Variants in ANXA8L1 observed in about 807,000 individuals in gnomAD.
ANXA8L1 encodes annexin A8-like protein 1.
A neutral mutation model predicts 22.5 loss-of-function variants in ANXA8L1; 10 were observed. That is an observed-to-expected ratio of 0.44 (90% CI 0.27 to 0.75). The LOEUF (loss-of-function observed/expected upper bound fraction) is 0.75, where lower values mean the gene tolerates loss of function less well. Among genes scored for constraint, ANXA8L1 ranks in the 30% least tolerant of loss-of-function variants. ANXA8L1 has a pLI of 0.15. For synonymous variants in ANXA8L1, 36 were observed against 86.0 expected (o/e 0.42, Z 3.22); for missense variants, 88 against 219.6 (o/e 0.40, Z 3.79).
Position 46,390,785 on chromosome 10 carries a change from A to G in ANXA8L1, c.925-86A>G. Reference sequence around the variant, plus strand: ...CGGGCCAGGTGCAGGCCAGGGGCACACCTCTTAGTCATAATAACACAGCCG... The same window carrying G: ...CGGGCCAGGTGCAGGCCAGGGGCACGCCTCTTAGTCATAATAACACAGCCG... On this transcript the variant is annotated intron_variant, in intron 11 of 11. Transcript: ENST00000619162. 1.1e-5 allele frequency: 11 copies of G among 1,014,626 alleles called. 1 individual carries two copies. Among genetic ancestry groups the G allele is most frequent in the Non-Finnish European group, 1.6e-5 (11 of 701,044 alleles). 62.9% of individuals were successfully genotyped at this position (1,014,626 alleles called of 1,614,324 possible). A position where few individuals can be genotyped will look rare whatever the true frequency, so the allele number is the denominator to read the frequency against.
intron 7 of ANXA8L1, 116 bp downstream of exon 7, chr10:46,384,949 TA>T: frequency 1.3e-6 from 2 of 1,502,900 alleles, no homozygotes; most frequent in Non-Finnish European, 1.8e-6. Context: ...CTCAGCTCCC[TA>T]TAGGCCTTTG....
Position 46,390,868 on chromosome 10 carries a change from C to T in ANXA8L1, c.925-3C>T. 1 of 1,268,358 alleles carries T rather than the reference C, an allele frequency of 7.9e-7. No individual in the cohort carries two copies. The highest frequency in any genetic ancestry group is 2.0e-5 in the African/African-American group (1 of 50,340). 78.6% of individuals were successfully genotyped at this position (1,268,358 alleles called of 1,614,324 possible). A position where few individuals can be genotyped will look rare whatever the true frequency, so the allele number is the denominator to read the frequency against. On this transcript the variant is annotated splice_region_variant and splice_polypyrimidine_tract_variant and intron_variant, in intron 11 of 11. Transcript: ENST00000619162. ...CTCACGCTTATGCGCCTCCTACCCA[C>T]AGGAAGACACCAGCGGCGACTACAA...
At chr10:46,378,685 T>C (rs1356445729) in intron 1 of ANXA8L1, among the ~76,000 whole-genome samples, 1 of 72,446 alleles carries the variant, frequency 1.4e-5, no homozygotes, top group Non-Finnish European at 2.5e-5. Flanking sequence ...GGAATTTCCA[T>C]AGGAATTATT....
At chr10:46,390,713 A>G (rs1321253007) in intron 11 of ANXA8L1, among the ~76,000 whole-genome samples, 158 bp from the exon 12 acceptor site, 2 of 137,548 alleles carry the variant, frequency 1.5e-5, no homozygotes, top group East Asian at 3.9e-4. Flanking sequence ...AAAAACCAGG[A>G]AAGAGGGGTG....
intron 1 of ANXA8L1, among the ~76,000 whole-genome samples, chr10:46,378,351 G>A (rs1839955088): frequency 7.2e-6 from 1 of 138,406 alleles, no homozygotes; most frequent in East Asian, 2.0e-4. Context: ...GTCTGGGAAA[G>A]GTGGAGTCAT....
intron 4 of ANXA8L1, 35 bp downstream of exon 4, chr10:46,382,727 G>A: frequency 9.0e-7 from 1 of 1,109,822 alleles, no homozygotes; most frequent in South Asian, 1.4e-5. Context: ...AGTGGCAGGG[G>A]TGCTCACATG....
chr10:46,390,421 C>T (rs1230770102), intron 11 of ANXA8L1, among the ~76,000 whole-genome samples: 2 of 117,522 alleles, frequency 1.7e-5, no homozygotes, highest in Middle Eastern at 3.8e-3. Flanking sequence ...CGTCAGGGTG[C>T]GATGGTCCAG....
intron 4 of ANXA8L1, 57 bp from the exon 5 acceptor site, chr10:46,383,399 G>A (rs1265759944): frequency 2.2e-4 from 130 of 592,660 alleles, no homozygotes; most frequent in Middle Eastern, 9.3e-4. Context: ...AAGAAGGTGT[G>A]GACAGAGCAG....
At chr10:46,383,600 C>T (rs1385082053) in intron 5 of ANXA8L1, 54 bp downstream of exon 5, 1 of 456,512 alleles carries the variant, frequency 2.2e-6, no homozygotes, top group Non-Finnish European at 3.8e-6. Context: ...CTTTGGCAGC[C>T]TGGCAGGGAA....
chr10:46,378,200 G>A (rs1321210804), intron 1 of ANXA8L1, among the ~76,000 whole-genome samples: 2,714 of 87,018 alleles, frequency 0.031, 4 homozygotes, highest in Middle Eastern at 0.076. Context: ...CTGGCCACTC[G>A]CTGGTGCACC....
At position 46,391,698 on chromosome 10, in the gene ANXA8L1, GAACGGC is replaced by G. The variant is rs1446570595; in HGVS notation, c.*772_*777del. On this transcript the variant is annotated 3_prime_UTR_variant, in exon 12 of 12. Coordinates refer to ENST00000619162, the MANE Select transcript of ANXA8L1 (RefSeq NM_001098845.3). ...CCTCAGCACCACTCTTGTCCCCACT[GAACGGC>G]AACTGAGACTGGGTACCTGGAGATT... 1 of 115,414 alleles carries G rather than the reference GAACGGC, an allele frequency of 8.7e-6. No individual in the cohort carries two copies. The highest frequency in any genetic ancestry group is 8.5e-5 in the Admixed American group (1 of 11,780). 7.1% of individuals were successfully genotyped at this position (115,414 alleles called of 1,614,324 possible).
intron 11 of ANXA8L1, among the ~76,000 whole-genome samples, chr10:46,389,547 T>G (rs1485796735): frequency 6.6e-6 from 1 of 151,286 alleles, no homozygotes; most frequent in Non-Finnish European, 1.5e-5. Context: ...CTTTTTAGTG[T>G]AGACCACAGA....
Position 46,391,170 on chromosome 10 carries a change from C to T in ANXA8L1, c.*240C>T. On this transcript the variant is annotated 3_prime_UTR_variant, in exon 12 of 12. Coordinates refer to ENST00000619162, the MANE Select transcript of ANXA8L1 (RefSeq NM_001098845.3). ...GAGCACAATGCCAACCTTAGTGTTT[C>T]TCCAGCCAGACAGATGCCTCAGCAT... 1 of 338,258 alleles carries T rather than the reference C, an allele frequency of 3.0e-6. No individual in the cohort carries two copies. The highest frequency in any genetic ancestry group is 3.4e-5 in the East Asian group (1 of 29,742). 21.0% of individuals were successfully genotyped at this position (338,258 alleles called of 1,614,324 possible). A position where few individuals can be genotyped will look rare whatever the true frequency, so the allele number is the denominator to read the frequency against.
Position 46,383,501 on chromosome 10 carries a change from C to T in ANXA8L1, c.367C>T (p.Arg123Trp), listed in dbSNP as rs1408453816. 3.1e-5 allele frequency: 30 copies of T among 956,454 alleles called. No homozygotes were observed. The highest frequency in any genetic ancestry group is 8.7e-5 in the African/African-American group (3 of 34,494). The allele number at this position is 956,454 out of a possible 1,614,324, so 59.2% of individuals were successfully genotyped here. A position where few individuals can be genotyped will look rare whatever the true frequency, so the allele number is the denominator to read the frequency against. ...TGTCATCATTGAGATCCTGGCCTCT[C>T]GGACCAAGAACCAGCTGCGGGAGAT... is the stretch of plus-strand genomic sequence containing the variant. ...EGVIIEILAS[R>W]TKNQLREIMK... Residue 123 changes from arginine (R) to tryptophan (W), a missense_variant, in exon 5 of 12, where the codon CGG becomes TGG. Arg to Trp is a moderately radical substitution (Grantham distance 101, BLOSUM62 -3). Coordinates refer to ENST00000619162, the MANE Select transcript of ANXA8L1 (RefSeq NM_001098845.3).
intron 1 of ANXA8L1, among the ~76,000 whole-genome samples, chr10:46,378,869 A>G (rs1331731666): frequency 7.0e-6 from 1 of 143,218 alleles, no homozygotes; most frequent in Non-Finnish European, 1.5e-5. Flanking sequence ...AATCTAACCC[A>G]GGGCTTCGAT....
intron 10 of ANXA8L1, 53 bp from the exon 11 acceptor site, chr10:46,388,338 CAG>C: frequency 6.3e-6 from 1 of 159,634 alleles, no homozygotes; most frequent in South Asian, 3.3e-5. Flanking sequence ...GTCCATCACT[CAG>C]AGATGGACAG....
rs1839981924 is a variant in ANXA8L1 at position 46,381,404 on chromosome 10, C to G, written c.207+164C>G. 1.5e-5 allele frequency: 13 copies of G among 871,772 alleles called. 1 individual carries two copies. The East Asian group carries it at 3.1e-4, about 21-fold the overall frequency. 54.0% of individuals were successfully genotyped at this position (871,772 alleles called of 1,614,324 possible). A position where few individuals can be genotyped will look rare whatever the true frequency, so the allele number is the denominator to read the frequency against. ...AAAACAATTGTTCTTTATTGAAATT[C>G]AAATGTAACTGGCTGCCCTGTGTTT... On this transcript the variant is annotated intron_variant, in intron 3 of 11. Transcript: ENST00000619162.
intron 9 of ANXA8L1, 116 bp downstream of exon 9, chr10:46,385,923 C>T: frequency 1.2e-5 from 2 of 162,246 alleles, no homozygotes; most frequent in South Asian, 6.1e-5. Context: ...GTCACCTTCA[C>T]GGGATGTCCC....
chr10:46,383,266 C>T (rs1289079293), intron 4 of ANXA8L1, among the ~76,000 whole-genome samples, 190 bp from the exon 5 acceptor site: 3 of 150,950 alleles, frequency 2.0e-5, no homozygotes, highest in African/African-American at 4.9e-5. Context: ...AGGGCTTCCC[C>T]GTCACAGCAC....
Sources: allele counts gnomAD v4.1 joint callset (sites outside exome capture counted in the v4.1 genomes callset), GRCh38; gene constraint gnomAD v4.1.1; transcripts MANE v1.5; gene names NCBI Gene and HGNC (gene_info 2026-07-23, HGNC 2026-07-21).